The following RALGAPA1 variants were observed in gnomAD, a reference collection of about 807,000 sequenced individuals.
The protein encoded by RALGAPA1 is Ral GTPase activating protein catalytic subunit alpha 1.
Under a neutral mutation model 269.6 loss-of-function variants are expected in RALGAPA1, and 52 were observed. The observed-to-expected ratio is 0.19, with a 90% confidence interval of 0.15 to 0.24. RALGAPA1 has a LOEUF of 0.24. RALGAPA1 is among the 10% of genes least tolerant of loss of function. The pLI is 1.00. For missense variants in RALGAPA1, 1,917 were observed against 3,013.9 expected (o/e 0.64, Z 8.52); for synonymous variants, 817 against 1,008.3 (o/e 0.81, Z 3.60).
chr14:35,588,270 A>C (rs1391988865), intron 37 of RALGAPA1, among the ~76,000 whole-genome samples: 1 of 152,088 alleles, frequency 6.6e-6, no homozygotes, highest in East Asian at 1.9e-4. Context: ...AATTTGTCTT[A>C]TTTGCTATGA....
At chr14:35,715,831 C>G in intron 16 of RALGAPA1, 1 of 985,426 alleles carries the variant, frequency 1.0e-6, no homozygotes, top group South Asian at 4.7e-5. Flanking sequence ...CAGCAATTTG[C>G]TTCAAGATCA....
chr14:35,670,127 C>G lies in RALGAPA1; in HGVS notation c.5202+1262G>C, dbSNP rs554898529. ...TCATCTATAAGCTAATGTTGCCCAGCTTTTATTTTCAGTCCTGACATGTCC... is the reference window on the plus strand; with the variant it reads ...TCATCTATAAGCTAATGTTGCCCAGGTTTTATTTTCAGTCCTGACATGTCC... On this transcript the variant is annotated intron_variant, in intron 26 of 41. Transcript: ENST00000680220. Among the ~76,000 whole-genome samples the G allele has an allele frequency of 3.3e-5, 5 of 152,290 alleles. No individual in the cohort carries two copies. In the East Asian group the frequency reaches 7.7e-4, roughly 23 times the overall value.
intron 5 of RALGAPA1, among the ~76,000 whole-genome samples, chr14:35,762,295 G>A (rs1289002946): frequency 6.6e-6 from 1 of 151,576 alleles, no homozygotes. Context: ...TCACTCTGTC[G>A]CCCAGGCTGG....
intron 8 of RALGAPA1, 23 bp from the exon 9 acceptor site, chr14:35,750,713 G>C (rs747997189): frequency 6.6e-7 from 1 of 1,521,360 alleles, no homozygotes; most frequent in South Asian, 1.3e-5. Flanking sequence ...AAAGGAAGAT[G>C]AAAACCAAAA....
At chr14:35,555,965 TAGTAG>T (rs1327886491) in intron 39 of RALGAPA1, among the ~76,000 whole-genome samples, 1 of 152,218 alleles carries the variant, frequency 6.6e-6, no homozygotes, top group Non-Finnish European at 1.5e-5. Flanking sequence ...GTTTACATAT[TAGTAG>T]AGTAAAATAC....
chr14:35,605,478 A>T, intron 36 of RALGAPA1, 108 bp downstream of exon 36: 1 of 1,157,948 alleles, frequency 8.6e-7, no homozygotes, highest in Non-Finnish European at 1.2e-6. Flanking sequence ...ACTAGTTGTT[A>T]AGTTGTTGTA....
intron 4 of RALGAPA1, chr14:35,766,470 A>G (rs1005868247): frequency 6.7e-5 from 101 of 1,509,684 alleles, no homozygotes; most frequent in Non-Finnish European, 8.9e-5. Context: ...GGCCAAAGCA[A>G]TTGAAGTATC....
chr14:35,782,004 A>G (rs2075466852), intron 1 of RALGAPA1, among the ~76,000 whole-genome samples: 1 of 152,168 alleles, frequency 6.6e-6, no homozygotes, highest in Non-Finnish European at 1.5e-5. Context: ...AAGAAATAAA[A>G]GCCACACACA....
At chr14:35,619,604 C>A (rs1427770344) in intron 35 of RALGAPA1, among the ~76,000 whole-genome samples, 2 of 151,982 alleles carry the variant, frequency 1.3e-5, no homozygotes, top group Non-Finnish European at 2.9e-5. Context: ...AGACTGCTAG[C>A]AAGACTAATA....
At position 35,809,279 on chromosome 14, in the gene RALGAPA1, G is replaced by C. The variant is rs1246990879; in HGVS notation, c.-444C>G. 6.3e-6 allele frequency: 1 copy of C among 159,868 alleles called. No individual in the cohort carries two copies. The highest frequency in any genetic ancestry group is 6.5e-5 in the Admixed American group (1 of 15,366). The allele number at this position is 159,868 out of a possible 1,614,324, so 9.9% of individuals were successfully genotyped here. ...TAGCAGCTTACACCCTGCAGAGGCC[G>C]AAACGGAGACGAGTGTGGTAGTGAT... On this transcript the variant is annotated 5_prime_UTR_variant, in exon 1 of 42. Transcript: ENST00000680220.
At chr14:35,751,990 T>G (rs758682037) in intron 8 of RALGAPA1, 34 bp downstream of exon 8, 2 of 1,559,830 alleles carry the variant, frequency 1.3e-6, no homozygotes, top group Non-Finnish European at 1.7e-6. Flanking sequence ...TACTCTTAAG[T>G]GTGATCTTTC....
chr14:35,709,052 T>C (rs1595245676), intron 16 of RALGAPA1, among the ~76,000 whole-genome samples: 1 of 151,504 alleles, frequency 6.6e-6, no homozygotes, highest in East Asian at 1.9e-4. Context: ...AGATAGAGAG[T>C]AGAAGGATAG....
intron 13 of RALGAPA1, among the ~76,000 whole-genome samples, chr14:35,725,516 T>C (rs548947602): frequency 6.6e-6 from 1 of 152,304 alleles, no homozygotes; most frequent in Admixed American, 6.5e-5. Flanking sequence ...TCTACCCAGA[T>C]GGAATCCAAT....
At position 35,756,900 on chromosome 14, in the gene RALGAPA1, T is replaced by A. The variant is rs553369955; in HGVS notation, c.556A>T (p.Thr186Ser). ...PPLNLQETQV[T>S]IEEITPLVPP... ...ACAAGAGGAGTGATTTCTTCTATAG[T>A]GACTTGAGCTATCCAAAGACAAAAG... is the stretch of plus-strand genomic sequence containing the variant. The change falls in exon 7 of 42, where the codon ACT (threonine) becomes TCT (serine). Residue 186 changes from threonine (T) to serine (S), a missense_variant. Thr to Ser is a moderately conservative substitution (Grantham distance 58). Around this residue, in one of 11 missense-constraint regions of RALGAPA1, gnomAD observed 462 missense variants for 725.6 expected, o/e 0.64. Transcript: ENST00000680220. 5.3e-5 allele frequency: 85 copies of A among 1,603,562 alleles called. No homozygotes were observed. The highest frequency in any genetic ancestry group is 6.7e-5 in the Non-Finnish European group (79 of 1,174,522).
intron 4 of RALGAPA1, chr14:35,766,076 G>A (rs906937334): frequency 1.5e-5 from 18 of 1,219,744 alleles, no homozygotes; most frequent in African/African-American, 4.5e-5. Flanking sequence ...TTGCCATATC[G>A]GCATTCACAT....
intron 1 of RALGAPA1, among the ~76,000 whole-genome samples, chr14:35,800,647 T>A (rs1379874357): frequency 2.0e-5 from 3 of 152,172 alleles, no homozygotes; most frequent in Admixed American, 2.0e-4. Flanking sequence ...AAATCAATAA[T>A]CACAGCTTCC....
chr14:35,683,018 G>A lies in RALGAPA1; in HGVS notation c.4471+791C>T, dbSNP rs114001929. ...AGTTTAGAGATGCAGAAATCACTGC[G>A]CCAGTCTTGCAAGTTCCAGCCAACC... On this transcript the variant is annotated intron_variant, in intron 21 of 41. Coordinates refer to ENST00000680220, the MANE Select transcript of RALGAPA1 (RefSeq NM_001346249.2). Among the ~76,000 whole-genome samples the A allele has an allele frequency of 5.2e-3, 795 of 152,230 alleles. 10 individuals are homozygous for A. The highest frequency in any genetic ancestry group is 0.018 in the African/African-American group (740 of 41,536).
chr14:35,546,256 G>A (rs1485611938), intron 41 of RALGAPA1, among the ~76,000 whole-genome samples: 1 of 151,718 alleles, frequency 6.6e-6, no homozygotes, highest in South Asian at 2.1e-4. Flanking sequence ...ATGTTTTCTC[G>A]GATTTAAATG....
chr14:35,765,740 C>T, intron 4 of RALGAPA1: 2 of 357,526 alleles, frequency 5.6e-6, no homozygotes, highest in Non-Finnish European at 1.0e-5. Flanking sequence ...AGGTGATCCA[C>T]CCACCTTGGC....
Sources: gnomAD v4.1 joint callset for allele counts (sites outside exome capture counted in the v4.1 genomes callset) on GRCh38, gnomAD v4.1.1 for gene constraint, gnomAD v4.1.1 regional missense constraint, MANE v1.5 for transcripts, NCBI Gene and HGNC (gene_info 2026-07-23, HGNC 2026-07-21) for gene names.